POLR1C: variants seen among roughly 807,000 people sequenced by gnomAD.
The protein encoded by POLR1C is RNA polymerase I and III subunit C.
In POLR1C, 42 loss-of-function variants were observed where a neutral mutation model predicts 38.3. The observed-to-expected ratio is 1.10, with a 90% CI of 0.86 to 1.42. POLR1C has a LOEUF of 1.42. POLR1C is among the 40% of genes most tolerant of loss of function. The pLI is 0.00. For missense variants in POLR1C, 507 were observed against 450.5 expected, an observed-to-expected ratio of 1.13 and a Z score of -1.14; for synonymous variants, 163 against 163.9, an observed-to-expected ratio of 0.99 and a Z score of 0.04.
At chr6:43,548,134 C>T in intron 9 of POLR1C, 1 of 978,652 alleles carries the variant, frequency 1.0e-6, no homozygotes, top group East Asian at 2.5e-5. Context: ...TTTTAGAGAA[C>T]TTCAGATATC....
intron 9 of POLR1C, among the ~76,000 whole-genome samples, chr6:43,549,302 G>A (rs1426711227): frequency 6.6e-6 from 1 of 152,162 alleles, no homozygotes; most frequent in Non-Finnish European, 1.5e-5. Context: ...GGCCTCAGGT[G>A]ATCTACCCAC....
At chr6:43,558,517 G>A in intron 10 of POLR1C, 1 of 1,602,422 alleles carries the variant, frequency 6.2e-7, no homozygotes, top group Non-Finnish European at 8.5e-7. Context: ...AGAAAGCATT[G>A]AAGTCCTCAT....
intron 9 of POLR1C, among the ~76,000 whole-genome samples, chr6:43,550,383 AAAT>A: frequency 6.6e-6 from 1 of 152,312 alleles, no homozygotes; most frequent in East Asian, 1.9e-4. Context: ...TCTCCAACTC[AAAT>A]AATTTGCAAC....
intron 9 of POLR1C, among the ~76,000 whole-genome samples, chr6:43,538,172 C>G (rs1349828560): frequency 1.7e-5 from 1 of 58,436 alleles, no homozygotes; most frequent in East Asian, 5.3e-4. Flanking sequence ...TTTTTTGAAA[C>G]AGAGATTTGC....
downstream of POLR1C, chr6:43,524,666 G>T (rs760108828): frequency 2.5e-6 from 4 of 1,606,982 alleles, no homozygotes; most frequent in African/African-American, 4.0e-5. Context: ...CTTACTGGAT[G>T]TAGGTTTGGA....
At chr6:43,523,186 A>G (rs1343613481), downstream of POLR1C, 6 of 170,446 alleles carry the variant, frequency 3.5e-5, no homozygotes, top group East Asian at 9.3e-4. Context: ...TGAACTCTAA[A>G]GGGGATGTTA....
chr6:43,523,853 G>GC, downstream of POLR1C: 1 of 1,613,968 alleles, frequency 6.2e-7, no homozygotes, highest in Non-Finnish European at 8.5e-7. Flanking sequence ...GAGGAAGGAT[G>GC]CCCAAAAGCT....
chr6:43,545,199 G>A (rs930843103), intron 9 of POLR1C, among the ~76,000 whole-genome samples: 1 of 152,090 alleles, frequency 6.6e-6, no homozygotes, highest in Non-Finnish European at 1.5e-5. Flanking sequence ...CCACAGACAT[G>A]TCCACAATGA....
At chr6:43,544,829 A>G (rs1794885873) in intron 9 of POLR1C, among the ~76,000 whole-genome samples, 1 of 152,178 alleles carries the variant, frequency 6.6e-6, no homozygotes, top group Non-Finnish European at 1.5e-5. Flanking sequence ...ACTTCTTTTC[A>G]GAGATCTCTT....
At chr6:43,522,906 G>C (rs896113314), downstream of POLR1C, 1 of 171,518 alleles carries the variant, frequency 5.8e-6, no homozygotes, top group Non-Finnish European at 1.4e-5. Context: ...TGATGTGAAG[G>C]CATGTATTCT....
At chr6:43,548,543 A>G in intron 9 of POLR1C, 1 of 1,270,758 alleles carries the variant, frequency 7.9e-7, no homozygotes, top group Non-Finnish European at 1.0e-6. Flanking sequence ...AAGAAAGAAG[A>G]AAACCAAAGC....
At chr6:43,525,026 C>T (rs1793475846), downstream of POLR1C, 1 of 1,593,906 alleles carries the variant, frequency 6.3e-7, no homozygotes, top group African/African-American at 1.3e-5. Context: ...CCTCAGCACC[C>T]CAGTTCTTCT....
chr6:43,547,780 C>G (rs1274566096), intron 9 of POLR1C: 15 of 1,355,044 alleles, frequency 1.1e-5, no homozygotes, highest in Non-Finnish European at 1.5e-5. Context: ...CAGGAGTTAA[C>G]AGGCTATCAT....
chr6:43,548,684 T>TC (rs1334414813), intron 9 of POLR1C, among the ~76,000 whole-genome samples: 1 of 151,792 alleles, frequency 6.6e-6, no homozygotes, highest in Non-Finnish European at 1.5e-5. Context: ...AACTGCACTT[T>TC]CCCATACTAC....
downstream of POLR1C, among the ~76,000 whole-genome samples, chr6:43,531,057 A>G (rs1275292157): frequency 6.6e-6 from 1 of 152,262 alleles, no homozygotes; most frequent in Non-Finnish European, 1.5e-5. Flanking sequence ...GGACGATCTC[A>G]TTAGCTTGGC....
At chr6:43,520,822 C>A (rs766901419) in intron 7 of POLR1C, 48 bp downstream of exon 7, 27 of 1,610,112 alleles carry the variant, frequency 1.7e-5, no homozygotes, top group Admixed American at 3.3e-5. Flanking sequence ...ATTATATTTT[C>A]TTTCAAGGTG....
chr6:43,540,025 T>G (rs923415970), intron 9 of POLR1C, among the ~76,000 whole-genome samples: 3 of 152,220 alleles, frequency 2.0e-5, no homozygotes, highest in African/African-American at 7.2e-5. Context: ...GAGGCCAAGA[T>G]GGGCGGATCA....
rs1793171062 is a variant in POLR1C at position 43,521,258 on chromosome 6, C to T, written c.999C>T (p.Cys333=). Residue 333 remains cysteine (C), a synonymous_variant, in exon 9 of 9, where the codon TGC becomes TGT. Transcript: ENST00000642195. The part of the protein sequence containing the change: ...SEAIKVLMGK[C]RRFLDELDAV... ...CCATCAAAGTACTGATGGGGAAGTGCCGGCGCTTCTTGGATGAACTAGATG... is the reference window on the plus strand; with the variant it reads ...CCATCAAAGTACTGATGGGGAAGTGTCGGCGCTTCTTGGATGAACTAGATG... 1 of 1,612,920 alleles carries T rather than the reference C, an allele frequency of 6.2e-7. No individual in the cohort carries two copies. The highest frequency in any genetic ancestry group is 1.3e-5 in the African/African-American group (1 of 74,856).
At chr6:43,554,544 C>T (rs915840608) in intron 10 of POLR1C, among the ~76,000 whole-genome samples, 8 of 151,968 alleles carry the variant, frequency 5.3e-5, no homozygotes, top group Non-Finnish European at 8.8e-5. Context: ...CCTGCCTCAG[C>T]CTCCTGAGTA....
Sources: gnomAD v4.1 joint callset for allele counts (sites outside exome capture counted in the v4.1 genomes callset) on GRCh38, gnomAD v4.1.1 for gene constraint, MANE v1.5 for transcripts, NCBI Gene and HGNC (gene_info 2026-07-23, HGNC 2026-07-21) for gene names.